DAB1: variants seen among roughly 807,000 people sequenced by gnomAD.
The protein encoded by DAB1 is DAB adaptor protein 1.
Under a neutral mutation model 64.6 loss-of-function variants are expected in DAB1, and 15 were observed. That is an observed-to-expected ratio of 0.23 (90% CI 0.16 to 0.36). The LOEUF (loss-of-function observed/expected upper bound fraction) is 0.36. Among genes scored for constraint, DAB1 ranks in the 10% least tolerant of loss-of-function variants. DAB1 has a pLI of 1.00. For synonymous variants in DAB1, 235 were observed against 251.9 expected, an observed-to-expected ratio of 0.93 and a Z score of 0.64; for missense variants, 596 against 706.7, an observed-to-expected ratio of 0.84 and a Z score of 1.78.
chr1:58,208,642 A>C (rs1247092802), intron 4 of DAB1, among the ~76,000 whole-genome samples: 1 of 152,072 alleles, frequency 6.6e-6, no homozygotes. Context: ...TTTATGGCTG[A>C]GTAGTATTCT....
In DAB1 at chr1:56,997,402, A is replaced by G. The variant is rs1645668312; in HGVS notation, c.*742T>C. 1 of 152,212 alleles carries G rather than the reference A, an allele frequency of 6.6e-6. No individual in the cohort carries two copies. Among genetic ancestry groups the G allele is most frequent in the African/African-American group, 2.4e-5 (1 of 41,452 alleles). 9.4% of individuals were successfully genotyped at this position (152,212 alleles called of 1,614,324 possible). A position where few individuals can be genotyped will look rare whatever the true frequency, so the allele number is the denominator to read the frequency against. On this transcript the variant is annotated 3_prime_UTR_variant, in exon 15 of 15. Coordinates refer to ENST00000371236, the MANE Select transcript of DAB1 (RefSeq NM_001365792.1). ...ATAGCTAAAGGACTGTTTTGGCAAC[A>G]TTCGTGATCATAATGAATAATCAAC... is the stretch of plus-strand genomic sequence containing the variant.
At chr1:57,458,163 T>C (rs1411527228) in intron 7 of DAB1, among the ~76,000 whole-genome samples, 1 of 152,188 alleles carries the variant, frequency 6.6e-6, no homozygotes. Context: ...AGCACATATG[T>C]ATACATACTA....
At chr1:58,083,988 T>C in intron 5 of DAB1, among the ~76,000 whole-genome samples, 1 of 152,166 alleles carries the variant, frequency 6.6e-6, no homozygotes, top group South Asian at 2.1e-4. Context: ...TGCTGTGTTG[T>C]TATAACAGCA....
chr1:58,276,145 T>C (rs1017302233), intron 4 of DAB1, among the ~76,000 whole-genome samples: 1 of 152,220 alleles, frequency 6.6e-6, no homozygotes, highest in African/African-American at 2.4e-5. Flanking sequence ...AGAATGGTGG[T>C]TGCCAAGGGC....
chr1:58,302,268 T>A (rs1473691794), intron 4 of DAB1, among the ~76,000 whole-genome samples: 1 of 152,106 alleles, frequency 6.6e-6, no homozygotes, highest in Non-Finnish European at 1.5e-5. Context: ...AAATCCCTTT[T>A]CTCAAGAATG....
At chr1:58,162,579 C>T (rs1038666845) in intron 4 of DAB1, among the ~76,000 whole-genome samples, 1 of 152,008 alleles carries the variant, frequency 6.6e-6, no homozygotes, top group African/African-American at 2.4e-5. Flanking sequence ...GCACAGCATA[C>T]ACAAACACAT....
At chr1:58,196,127 T>A (rs867297301) in intron 4 of DAB1, among the ~76,000 whole-genome samples, 13 of 152,252 alleles carry the variant, frequency 8.5e-5, no homozygotes, top group Middle Eastern at 6.8e-3. Context: ...CTGAGTTGAA[T>A]CTCAAAAGAT....
downstream of DAB1, among the ~76,000 whole-genome samples, chr1:57,823,951 C>G (rs531649958): frequency 6.6e-6 from 1 of 152,340 alleles, no homozygotes; most frequent in Admixed American, 6.5e-5. Context: ...CTTTCTACCA[C>G]ATCATGCTGT....
intron 1 of DAB1, among the ~76,000 whole-genome samples, chr1:57,329,200 A>G (rs1250865310): frequency 6.6e-6 from 1 of 152,176 alleles, no homozygotes; most frequent in African/African-American, 2.4e-5. Context: ...TAGCAGGCCA[A>G]TTAATCCCAA....
At chr1:57,937,838 C>T (rs1857379) in intron 5 of DAB1, among the ~76,000 whole-genome samples, 61,326 of 152,016 alleles carry the variant, frequency 0.4, 13,522 homozygotes, top group Admixed American at 0.51. Flanking sequence ...CTGCAGTTCC[C>T]CTGTCTGATG....
intron 14 of DAB1, among the ~76,000 whole-genome samples, chr1:57,003,772 T>C (rs1237936952): frequency 1.3e-5 from 2 of 152,310 alleles, no homozygotes; most frequent in East Asian, 3.9e-4. Context: ...TTTAAATCAA[T>C]TTCAGTGAGG....
chr1:58,524,460 A>G (rs1380620923), intron 2 of DAB1, among the ~76,000 whole-genome samples: 1 of 152,146 alleles, frequency 6.6e-6, no homozygotes, highest in East Asian at 1.9e-4. Context: ...TTTTTCTTGA[A>G]TCATATTAGA....
rs112331303 is a variant in DAB1, at chr1:57,629,972, T to C, written n.625+19620A>G. On this transcript the variant is annotated intron_variant and non_coding_transcript_variant, in intron 7 of 20. Coordinates refer to the DAB1 transcript ENST00000485760. ...ATAAAAAAATCAGTTCTGTGTTTAC[T>C]TTGTGCTTATTAAACAGGAAAAAGA... Among the ~76,000 whole-genome samples, 1,062 of 152,290 alleles carry C rather than the reference T, an allele frequency of 7.0e-3. 12 individuals are homozygous for C. Among genetic ancestry groups the C allele is most frequent in the African/African-American group, 0.024 (1,012 of 41,552 alleles).
chr1:57,117,775 T>C (rs1439250649), intron 4 of DAB1, among the ~76,000 whole-genome samples: 1 of 152,190 alleles, frequency 6.6e-6, no homozygotes, highest in Admixed American at 6.5e-5. Flanking sequence ...AGCTCAGTTT[T>C]ACTGGTGCTC....
chr1:57,024,463 T>G (rs1033476117), intron 10 of DAB1, among the ~76,000 whole-genome samples: 36 of 152,312 alleles, frequency 2.4e-4, no homozygotes, highest in African/African-American at 8.2e-4. Context: ...ATCCTTTTTT[T>G]TCCCCTTGGA....
intron 2 of DAB1, among the ~76,000 whole-genome samples, chr1:57,201,259 C>T (rs951700124): frequency 2.0e-5 from 3 of 150,676 alleles, no homozygotes; most frequent in Admixed American, 6.6e-5. Flanking sequence ...ATTGGTATAA[C>T]AGAAAAAAAA....
At chr1:57,218,625 G>C (rs893646899) in intron 2 of DAB1, among the ~76,000 whole-genome samples, 28 of 151,878 alleles carry the variant, frequency 1.8e-4, no homozygotes, top group Admixed American at 1.3e-3. Flanking sequence ...AGCGTGGGAG[G>C]TCTAGGCTGC....
intron 6 of DAB1, among the ~76,000 whole-genome samples, chr1:57,691,440 G>A (rs1401186136): frequency 2.0e-5 from 3 of 152,094 alleles, no homozygotes; most frequent in Non-Finnish European, 2.9e-5. Flanking sequence ...ATAAAAGCTG[G>A]CCACCCGAGA....
At chr1:57,452,166 CTTTT>C (rs78592207) in intron 7 of DAB1, among the ~76,000 whole-genome samples, 9 of 75,008 alleles carry the variant, frequency 1.2e-4, no homozygotes, top group African/African-American at 3.6e-4. Flanking sequence ...TGCACCCCCC[CTTTT>C]TTTTTTTTTT....
Sources: gnomAD v4.1 joint callset for allele counts (sites outside exome capture counted in the v4.1 genomes callset) on GRCh38, gnomAD v4.1.1 for gene constraint, MANE v1.5 for transcripts, NCBI Gene and HGNC (gene_info 2026-07-23, HGNC 2026-07-21) for gene names.